Variants in PLA2G4A observed in about 807,000 individuals in gnomAD.
PLA2G4A encodes the protein phospholipase A2 group IVA.
PLA2G4A carries 40 observed loss-of-function variants against 81.9 expected under a neutral mutation model. That is an observed-to-expected ratio of 0.49 (90% CI 0.38 to 0.64). The LOEUF is 0.64. Ranked by LOEUF, PLA2G4A falls within the 30% of genes least tolerant of loss-of-function variation. The pLI is 0.00. For missense variants in PLA2G4A, 715 were observed against 905.1 expected (o/e 0.79, Z 2.69); for synonymous variants, 302 against 296.9 (o/e 1.02, Z -0.18).
chr1:186,829,001 A>C lies in PLA2G4A; in HGVS notation c.-104A>C, dbSNP rs1426468537. ...GGAGCTGAAAAAGGATCCTGACTGA[A>C]AGCTAGAGGCATTGAGGAGCCTGAA... is the stretch of plus-strand genomic sequence containing the variant. On this transcript the variant is annotated 5_prime_UTR_variant, in exon 1 of 18. Transcript: ENST00000367466. 1 of 152,156 alleles carries C rather than the reference A, an allele frequency of 6.6e-6. No individual in the cohort carries two copies. Among genetic ancestry groups the C allele is most frequent in the Middle Eastern group, 3.2e-3 (1 of 316 alleles). The allele number at this position is 152,156 out of a possible 1,614,324, so 9.4% of individuals were successfully genotyped here. A position where few individuals can be genotyped will look rare whatever the true frequency, so the allele number is the denominator to read the frequency against.
intron 3 of PLA2G4A, among the ~76,000 whole-genome samples, chr1:186,882,791 C>T (rs943411838): frequency 1.3e-5 from 2 of 152,002 alleles, no homozygotes; most frequent in African/African-American, 2.4e-5. Context: ...TTAGTTGAAT[C>T]GGGGCAATTA....
intron 2 of PLA2G4A, among the ~76,000 whole-genome samples, chr1:186,856,324 T>C (rs1305739017): frequency 2.0e-5 from 3 of 151,792 alleles, no homozygotes; most frequent in African/African-American, 7.2e-5. Context: ...TTATATGTAT[T>C]TTTTGATATT....
At position 186,901,414 on chromosome 1, in the gene PLA2G4A, G is replaced by A. The variant is rs6698103; in HGVS notation, c.379-5551G>A. ...GGTAAGTTCTATCATGGAGTAGAACGTGACTAGCTTATTTACCATTGTGTA... is the reference window on the plus strand; with the variant it reads ...GGTAAGTTCTATCATGGAGTAGAACATGACTAGCTTATTTACCATTGTGTA... On this transcript the variant is annotated intron_variant, in intron 5 of 17. Transcript: ENST00000367466. Among the ~76,000 whole-genome samples the A allele has an allele frequency of 7.2e-5, 11 of 152,080 alleles. No individual in the cohort carries two copies. The South Asian group carries it at 1.2e-3, about 17-fold the overall frequency.
Position 186,988,543 on chromosome 1 carries a change from T to C in PLA2G4A, c.*35T>C. The C allele has an allele frequency of 6.3e-7, 1 of 1,596,418 alleles. No homozygotes were observed. On this transcript the variant is annotated 3_prime_UTR_variant, in exon 18 of 18. Coordinates refer to ENST00000367466, the MANE Select transcript of PLA2G4A (RefSeq NM_024420.3). ...TGGAAATGGCAGCAGTTTCTGATGC[T>C]GAGGCAGTTTGCAATCCCATGACAA...
intron 2 of PLA2G4A, among the ~76,000 whole-genome samples, chr1:186,857,773 C>T (rs187830624): frequency 1.4e-3 from 213 of 151,912 alleles, no homozygotes; most frequent in African/African-American, 3.7e-3. Flanking sequence ...CCCTGACAGG[C>T]GTTGGTGTGT....
At chr1:186,854,078 A>C (rs1456142332) in intron 1 of PLA2G4A, among the ~76,000 whole-genome samples, 1 of 151,988 alleles carries the variant, frequency 6.6e-6, no homozygotes, top group East Asian at 1.9e-4. Context: ...AATTTGAACA[A>C]GTAAATATGG....
At chr1:186,878,508 T>C (rs1653603810) in intron 3 of PLA2G4A, among the ~76,000 whole-genome samples, 1 of 151,646 alleles carries the variant, frequency 6.6e-6, no homozygotes, top group South Asian at 2.1e-4. Context: ...TTCCCAATGG[T>C]CTTTTCATGG....
chr1:186,954,553 C>T (rs1371154320), intron 13 of PLA2G4A, among the ~76,000 whole-genome samples: 1 of 152,016 alleles, frequency 6.6e-6, no homozygotes, highest in Non-Finnish European at 1.5e-5. Context: ...CAAACCTGCA[C>T]ATTGTGCACA....
At chr1:186,898,331 G>A (rs112095461) in intron 5 of PLA2G4A, among the ~76,000 whole-genome samples, 2,003 of 152,224 alleles carry the variant, frequency 0.013, 39 homozygotes, top group African/African-American at 0.044. Flanking sequence ...ATACTTTCAT[G>A]TGTAAACAGA....
chr1:186,940,093 A>G lies in PLA2G4A; in HGVS notation c.1032A>G (p.Ala344=), dbSNP rs1422651493. 3.3e-6 allele frequency: 5 copies of G among 1,526,838 alleles called. No homozygotes were observed. In the African/African-American group the frequency reaches 6.8e-5, roughly 21 times the overall value. The allele number at this position is 1,526,838 out of a possible 1,614,324, so 94.6% of individuals were successfully genotyped here. ...CTGACGTTTCAGAGCTGATGTTTGCAGGTATGCTGTTTCCTTTCTCAGAAC... is the reference window on the plus strand; with the variant it reads ...CTGACGTTTCAGAGCTGATGTTTGCGGGTATGCTGTTTCCTTTCTCAGAAC... ...VKPDVSELMF[A]DWVEFSPYEI... The change falls in exon 10 of 18, where the codon GCA becomes GCG. Residue 344 remains alanine, a splice_region_variant and synonymous_variant. Coordinates refer to ENST00000367466, the MANE Select transcript of PLA2G4A (RefSeq NM_024420.3).
At chr1:186,899,113 A>G (rs1013710975) in intron 5 of PLA2G4A, among the ~76,000 whole-genome samples, 3 of 152,222 alleles carry the variant, frequency 2.0e-5, no homozygotes, top group Non-Finnish European at 4.4e-5. Context: ...AGTGCTAACT[A>G]AACTAGGGGC....
intron 3 of PLA2G4A, among the ~76,000 whole-genome samples, chr1:186,884,397 A>G (rs1653854687): frequency 6.6e-6 from 1 of 151,926 alleles, no homozygotes; most frequent in South Asian, 2.1e-4. Flanking sequence ...AAGGATAGGG[A>G]TGATTATAGT....
In PLA2G4A at chr1:186,953,364, G is replaced by A. The variant is rs188021545; in HGVS notation, c.1336+2636G>A. On this transcript the variant is annotated intron_variant, in intron 13 of 17. Transcript: ENST00000367466. ...TATGCTTATCTGCTATCTGTATATC[G>A]TTTTGATGAGGTATCAGTTCAGGCC... Among the ~76,000 whole-genome samples the A allele has an allele frequency of 2.8e-4, 43 of 152,216 alleles. 1 individual carries two copies. Among genetic ancestry groups the A allele is most frequent in the African/African-American group, 8.2e-4 (34 of 41,528 alleles).
chr1:186,890,565 A>T (rs1428368803), intron 3 of PLA2G4A, among the ~76,000 whole-genome samples: 2 of 152,014 alleles, frequency 1.3e-5, no homozygotes, highest in Non-Finnish European at 2.9e-5. Flanking sequence ...AATAGAAAAA[A>T]CCGTTACTGG....
At chr1:186,845,591 G>T (rs924389040) in intron 1 of PLA2G4A, among the ~76,000 whole-genome samples, 2 of 152,100 alleles carry the variant, frequency 1.3e-5, no homozygotes, top group African/African-American at 4.8e-5. Context: ...GAGTTGGAGG[G>T]AAAGAGAAAA....
rs554950318 is a variant in PLA2G4A at position 186,843,791 on chromosome 1, A to G, written c.-69-10495A>G. On this transcript the variant is annotated intron_variant, in intron 1 of 17. Coordinates refer to ENST00000367466, the MANE Select transcript of PLA2G4A (RefSeq NM_024420.3). ...AGAGGAAATGTTTCCACTTCCTCTT[A>G]CTATAGATCTAAGCTCTTTCACGTT... Among the ~76,000 whole-genome samples, 6 of 152,318 alleles carry G rather than the reference A, an allele frequency of 3.9e-5. No individual in the cohort carries two copies. In the South Asian group the frequency reaches 1.2e-3, roughly 32 times the overall value.
chr1:186,935,872 A>C (rs1655926661), intron 8 of PLA2G4A, among the ~76,000 whole-genome samples: 1 of 152,022 alleles, frequency 6.6e-6, no homozygotes, highest in Admixed American at 6.6e-5. Context: ...CTGTGATCAC[A>C]AAAGAGAATT....
In PLA2G4A at chr1:186,939,032, C is replaced by T. The variant is rs552014877; in HGVS notation, c.720C>T (p.His240=). 1.1e-4 allele frequency: 171 copies of T among 1,600,386 alleles called. 5 individuals are homozygous for T. In the South Asian group the frequency reaches 1.7e-3, roughly 16 times the overall value. Residue 240 remains histidine, a synonymous_variant, in exon 9 of 18, where the codon CAC becomes CAT. Coordinates refer to ENST00000367466, the MANE Select transcript of PLA2G4A (RefSeq NM_024420.3). ...GGTATATGTCAACCTTGTATTCTCA[C>T]CCTGATTTTCCAGAGAAAGGGCCAG... The part of the protein sequence containing the change: ...STWYMSTLYS[H]PDFPEKGPEE...
At chr1:186,911,072 TGCTTTAAGATA>T (rs1654921583) in intron 6 of PLA2G4A, among the ~76,000 whole-genome samples, 165 bp from the exon 7 acceptor site, 1 of 152,236 alleles carries the variant, frequency 6.6e-6, no homozygotes, top group Non-Finnish European at 1.5e-5. Flanking sequence ...TGGAAAATGC[TGCTTTAAGATA>T]GCCATCATTT....
Sources: allele counts gnomAD v4.1 joint callset (sites outside exome capture counted in the v4.1 genomes callset), GRCh38; gene constraint gnomAD v4.1.1; transcripts MANE v1.5; gene names NCBI Gene and HGNC (gene_info 2026-07-23, HGNC 2026-07-21).